LRRC4C: variants seen among roughly 807,000 people sequenced by gnomAD.
LRRC4C encodes leucine-rich repeat-containing protein 4C.
LRRC4C carries 5 observed loss-of-function variants against 33.6 expected under a neutral mutation model. That is an observed-to-expected ratio of 0.15 (90% CI 0.08 to 0.31). The LOEUF (loss-of-function observed/expected upper bound fraction) is 0.31. LRRC4C is among the 10% of genes least tolerant of loss of function. The pLI is 1.00. For synonymous variants in LRRC4C, 329 were observed against 302.0 expected, an observed-to-expected ratio of 1.09 and a Z score of -0.93; for missense variants, 560 against 796.7, an observed-to-expected ratio of 0.70 and a Z score of 3.58.
At chr11:41,145,288 T>C (rs1943679320) in intron 1 of LRRC4C, among the ~76,000 whole-genome samples, 1 of 152,202 alleles carries the variant, frequency 6.6e-6, no homozygotes. Flanking sequence ...ACCATAATAC[T>C]ATTTTCATTT....
intron 4 of LRRC4C, among the ~76,000 whole-genome samples, chr11:40,287,472 C>A (rs904314380): frequency 3.9e-5 from 6 of 152,128 alleles, no homozygotes; most frequent in African/African-American, 1.4e-4. Context: ...GTATTTATTG[C>A]ATGCATACTA....
At chr11:40,393,123 C>T (rs556008570) in intron 3 of LRRC4C, among the ~76,000 whole-genome samples, 10 of 152,126 alleles carry the variant, frequency 6.6e-5, no homozygotes, top group South Asian at 6.2e-4. Context: ...GTAAAGACAA[C>T]GTGTAATCCA....
chr11:41,066,652 G>C (rs1200011411), intron 1 of LRRC4C, among the ~76,000 whole-genome samples: 1 of 152,120 alleles, frequency 6.6e-6, no homozygotes. Context: ...AAATGTTAAT[G>C]GCAGCCAGAG....
At chr11:40,211,334 G>C (rs1363710383) in intron 5 of LRRC4C, among the ~76,000 whole-genome samples, 1 of 152,140 alleles carries the variant, frequency 6.6e-6, no homozygotes, top group African/African-American at 2.4e-5. Flanking sequence ...AAGCTTCTCT[G>C]TTAGATATGT....
chr11:41,015,717 C>T (rs535588345), intron 1 of LRRC4C, among the ~76,000 whole-genome samples: 116 of 152,176 alleles, frequency 7.6e-4, no homozygotes, highest in African/African-American at 2.7e-3. Context: ...ATATCAAATG[C>T]GTCAAAGTGG....
intron 4 of LRRC4C, among the ~76,000 whole-genome samples, chr11:40,318,481 C>T (rs1401023108): frequency 6.6e-6 from 1 of 152,260 alleles, no homozygotes; most frequent in East Asian, 1.9e-4. Flanking sequence ...GTCAATCCTG[C>T]TACCTTCTAC....
At chr11:41,419,677 T>C (rs1954808679) in intron 1 of LRRC4C, among the ~76,000 whole-genome samples, 1 of 152,010 alleles carries the variant, frequency 6.6e-6, no homozygotes, top group African/African-American at 2.4e-5. Context: ...TAGTACTTTA[T>C]ACTGTATTTA....
chr11:41,107,635 T>C (rs1165328855), intron 1 of LRRC4C, among the ~76,000 whole-genome samples: 5 of 152,116 alleles, frequency 3.3e-5, no homozygotes, highest in African/African-American at 1.2e-4. Context: ...TTTACATTTA[T>C]GAGATGAAAA....
At chr11:40,730,033 C>T (rs1018565081) in intron 2 of LRRC4C, among the ~76,000 whole-genome samples, 1 of 151,844 alleles carries the variant, frequency 6.6e-6, no homozygotes, top group African/African-American at 2.4e-5. Flanking sequence ...CATATTCTCA[C>T]TCATAGGTGG....
At chr11:40,814,276 A>G (rs950539706) in intron 2 of LRRC4C, among the ~76,000 whole-genome samples, 4 of 152,170 alleles carry the variant, frequency 2.6e-5, no homozygotes, top group East Asian at 3.9e-4. Flanking sequence ...TAGCAGCAAT[A>G]TGGTCAATAC....
At chr11:41,122,378 T>G (rs1193660973) in intron 1 of LRRC4C, among the ~76,000 whole-genome samples, 1 of 152,136 alleles carries the variant, frequency 6.6e-6, no homozygotes, top group African/African-American at 2.4e-5. Context: ...TTATGTTAGG[T>G]GCTCAGTTTT....
chr11:40,739,008 TGTG>T (rs1948025490), intron 2 of LRRC4C, among the ~76,000 whole-genome samples: 1 of 34,696 alleles, frequency 2.9e-5, no homozygotes, highest in Admixed American at 2.7e-4. Flanking sequence ...TAATTGCTAT[TGTG>T]TGTGTGTGTG....
intron 5 of LRRC4C, among the ~76,000 whole-genome samples, chr11:40,195,483 C>T (rs1392894552): frequency 6.6e-6 from 1 of 151,960 alleles, no homozygotes; most frequent in African/African-American, 2.4e-5. Flanking sequence ...TCTAAGATTT[C>T]TTGTCAGGGG....
intron 1 of LRRC4C, among the ~76,000 whole-genome samples, chr11:41,015,728 A>G (rs1299416588): frequency 1.3e-5 from 2 of 152,248 alleles, no homozygotes; most frequent in South Asian, 4.1e-4. Flanking sequence ...GTCAAAGTGG[A>G]AAATTAAATT....
chr11:41,069,645 C>A (rs150452592), intron 1 of LRRC4C, among the ~76,000 whole-genome samples: 2,677 of 152,176 alleles, frequency 0.018, 104 homozygotes, highest in African/African-American at 0.06. Flanking sequence ...AGAGCCAAAT[C>A]ATGAATGAAC....
At chr11:41,345,831 TGA>T (rs1420252056) in intron 1 of LRRC4C, among the ~76,000 whole-genome samples, 1 of 152,180 alleles carries the variant, frequency 6.6e-6, no homozygotes, top group African/African-American at 2.4e-5. Flanking sequence ...GCTAGCTTCC[TGA>T]TGAATTCTAT....
At chr11:40,582,344 AT>A (rs908843315) in intron 3 of LRRC4C, among the ~76,000 whole-genome samples, 8 of 152,124 alleles carry the variant, frequency 5.3e-5, no homozygotes, top group African/African-American at 1.9e-4. Flanking sequence ...ACTAAACAAT[AT>A]TTTTTTCTAT....
intron 4 of LRRC4C, among the ~76,000 whole-genome samples, chr11:40,264,373 A>G (rs1394890594): frequency 6.6e-6 from 1 of 152,256 alleles, no homozygotes; most frequent in Non-Finnish European, 1.5e-5. Flanking sequence ...TCAATTCTAA[A>G]TCATAATTTA....
At chr11:40,593,281 G>A (rs141064746) in intron 3 of LRRC4C, among the ~76,000 whole-genome samples, 13 of 152,318 alleles carry the variant, frequency 8.5e-5, no homozygotes, top group Middle Eastern at 3.4e-3. Context: ...ACTTTAGAGA[G>A]ATCTATTAAA....
Sources: gnomAD v4.1 joint callset for allele counts (sites outside exome capture counted in the v4.1 genomes callset) on GRCh38, gnomAD v4.1.1 for gene constraint, MANE v1.5 for transcripts, NCBI Gene and HGNC (gene_info 2026-07-23, HGNC 2026-07-21) for gene names.